SHF: variants seen among roughly 807,000 people sequenced by gnomAD.
The protein encoded by SHF is SH2 domain-containing adapter protein F.
A neutral mutation model predicts 42.4 loss-of-function variants in SHF; 30 were observed. The observed-to-expected ratio is 0.71, with a 90% CI of 0.53 to 0.96. SHF has a LOEUF of 0.96. Ranked by LOEUF, SHF falls within the 40% of genes least tolerant of loss-of-function variation. The probability of loss-of-function intolerance (pLI) is 0.00; values close to 1 mark genes in which losing one functional copy is unlikely to be tolerated. For synonymous variants in SHF, 264 were observed against 269.9 expected (o/e 0.98, Z 0.21); for missense variants, 598 against 634.0 (o/e 0.94, Z 0.61).
At chr15:45,201,005 A>G in exon 1 of SHF, 1 of 358,782 alleles carries the variant, frequency 2.8e-6, no homozygotes, top group Non-Finnish European at 5.6e-6. Context: ...TAGGGAGTCC[A>G]CAGCGCTCCC....
At chr15:45,171,231 G>A (rs1897469133) in intron 6 of SHF, 1 of 153,816 alleles carries the variant, frequency 6.5e-6, no homozygotes, top group Non-Finnish European at 1.4e-5. Context: ...CAGGGAGTCT[G>A]GGAGGCTGAT....
At chr15:45,175,913 G>A (rs1211699349) in intron 2 of SHF, among the ~76,000 whole-genome samples, 2 of 149,930 alleles carry the variant, frequency 1.3e-5, no homozygotes, top group Admixed American at 6.7e-5. Context: ...CCGCCTCCCC[G>A]GTTCAAGCGA....
upstream of SHF, chr15:45,187,984 C>A: frequency 1.1e-6 from 1 of 876,268 alleles, no homozygotes; most frequent in Non-Finnish European, 1.3e-6. Context: ...GGGAGCGCAG[C>A]GGCGGGTGGG....
upstream of SHF, among the ~76,000 whole-genome samples, chr15:45,191,264 T>C (rs181333004): frequency 2.6e-4 from 39 of 152,278 alleles, no homozygotes; most frequent in East Asian, 3.9e-3. Context: ...CTCAGACTGG[T>C]CTTGAACTCC....
upstream of SHF, among the ~76,000 whole-genome samples, chr15:45,188,205 G>A (rs1192638086): frequency 1.3e-5 from 2 of 152,190 alleles, no homozygotes; most frequent in Non-Finnish European, 2.9e-5. Context: ...CTACTGGACT[G>A]AGGTTGAATC....
In SHF at chr15:45,167,670, T is replaced by C. The variant is rs1156386055; in HGVS notation, c.*277A>G. The C allele has an allele frequency of 3.5e-6, 1 of 287,500 alleles. No homozygotes were observed. Among genetic ancestry groups the C allele is most frequent in the Non-Finnish European group, 6.4e-6 (1 of 156,604 alleles). 17.8% of individuals were successfully genotyped at this position (287,500 alleles called of 1,614,324 possible). ...CGGAAAGGAGCCGGAGCTGCCAGTC[T>C]GAAACTCCCTACCATCCCAGTAGCT... On this transcript the variant is annotated 3_prime_UTR_variant, in exon 7 of 7. Coordinates refer to ENST00000690270, the MANE Select transcript of SHF (RefSeq NM_001394037.1).
intron 2 of SHF, among the ~76,000 whole-genome samples, chr15:45,197,738 C>T (rs1898910246): frequency 6.6e-6 from 1 of 151,250 alleles, no homozygotes; most frequent in Non-Finnish European, 1.5e-5. Flanking sequence ...TCACATCCTT[C>T]AGGGTATGTG....
upstream of SHF, chr15:45,187,982 A>T (rs1898558509): frequency 2.2e-6 from 2 of 917,374 alleles, no homozygotes; most frequent in African/African-American, 4.4e-5. Flanking sequence ...AGGGGAGCGC[A>T]GCGGCGGGTG....
At chr15:45,168,460 C>T (rs1418435028) in intron 6 of SHF, among the ~76,000 whole-genome samples, 1 of 152,218 alleles carries the variant, frequency 6.6e-6, no homozygotes, top group African/African-American at 2.4e-5. Context: ...TCCAGGCACC[C>T]CGGCCCTCCA....
intron 1 of SHF, among the ~76,000 whole-genome samples, chr15:45,199,322 T>C (rs559759710): frequency 1.6e-4 from 25 of 152,328 alleles, no homozygotes; most frequent in South Asian, 2.1e-4. Flanking sequence ...ATTTTAATTA[T>C]TGTCCATCAG....
At position 45,180,915 on chromosome 15, in the gene SHF, G is replaced by A. The variant is rs539070721; in HGVS notation, c.499-2609C>T. Among the ~76,000 whole-genome samples, 5 of 152,354 alleles carry A rather than the reference G, an allele frequency of 3.3e-5. No homozygotes were observed. The South Asian group carries it at 8.3e-4, about 25-fold the overall frequency. ...ACTTTTCCTTGTTCATTCAGGAGAG[G>A]AAGCACAAATCTGGATTGGGTGGGA... On this transcript the variant is annotated intron_variant, in intron 1 of 6. Transcript: ENST00000690270.
intron 4 of SHF, 57 bp downstream of exon 4, chr15:45,173,519 A>G: frequency 1.4e-6 from 2 of 1,435,552 alleles, no homozygotes; most frequent in Non-Finnish European, 1.8e-6. Flanking sequence ...AACCCAACCC[A>G]CAGGGCCTGG....
At chr15:45,197,827 G>GA (rs59128375) in intron 2 of SHF, among the ~76,000 whole-genome samples, 1,506 of 133,600 alleles carry the variant, frequency 0.011, 25 homozygotes, top group African/African-American at 0.039. Context: ...ATCACCTCAG[G>GA]AAAAAAAAAA....
At chr15:45,171,706 A>T (rs1266335489) in intron 6 of SHF, 177 bp downstream of exon 6, 1 of 656,648 alleles carries the variant, frequency 1.5e-6, no homozygotes, top group Non-Finnish European at 2.6e-6. Flanking sequence ...ATTTCTCCCA[A>T]TGGACTCTGA....
rs140942861 is a variant in SHF at position 45,172,245 on chromosome 15, G to C, written c.1062C>G (p.Leu354=). 185 of 1,613,598 alleles carry C rather than the reference G, an allele frequency of 1.1e-4. No individual in the cohort carries two copies. Among genetic ancestry groups the C allele is most frequent in the Non-Finnish European group, 1.4e-4 (169 of 1,179,708 alleles). The part of the protein sequence containing the change: ...REEKGRLPPR[L]SAGNPKSAKP... ...TGGCTGACTTGGGGTTCCCTGCAGA[G>C]AGTCGGGGAGGTAGCCGCCCCTTCT... Residue 354 remains leucine, a synonymous_variant, in exon 5 of 7, where the codon CTC becomes CTG. Transcript: ENST00000690270.
At chr15:45,180,477 A>G (rs1466238586) in intron 1 of SHF, among the ~76,000 whole-genome samples, 1 of 152,250 alleles carries the variant, frequency 6.6e-6, no homozygotes, top group Non-Finnish European at 1.5e-5. Flanking sequence ...CACGTTATCC[A>G]TAAACCTTGC....
At chr15:45,169,784 A>G (rs1169355882) in intron 6 of SHF, among the ~76,000 whole-genome samples, 1 of 152,104 alleles carries the variant, frequency 6.6e-6, no homozygotes, top group Non-Finnish European at 1.5e-5. Context: ...GTGCTTTCCC[A>G]CCTCCTGGGA....
At chr15:45,198,694 G>A (rs968978972) in intron 2 of SHF, 78 of 1,519,712 alleles carry the variant, frequency 5.1e-5, no homozygotes, top group Admixed American at 1.8e-4. Flanking sequence ...CCGGGGACCC[G>A]TAGGGGTTGG....
intron 6 of SHF, among the ~76,000 whole-genome samples, chr15:45,168,365 G>A (rs1349730852): frequency 6.6e-6 from 1 of 152,210 alleles, no homozygotes; most frequent in Admixed American, 6.5e-5. Flanking sequence ...TGCCAAGAAT[G>A]TGTGTATAGG....
Sources: gnomAD v4.1 joint callset for allele counts (sites outside exome capture counted in the v4.1 genomes callset) on GRCh38, gnomAD v4.1.1 for gene constraint, MANE v1.5 for transcripts, NCBI Gene and HGNC (gene_info 2026-07-23, HGNC 2026-07-21) for gene names.